SNX27: variants seen among roughly 807,000 people sequenced by gnomAD.
SNX27 encodes the protein sorting nexin 27.
SNX27 carries 22 observed loss-of-function variants against 71.6 expected under a neutral mutation model. The ratio of observed to expected loss-of-function variants is 0.31; its 90% CI spans 0.22 to 0.44. The LOEUF (loss-of-function observed/expected upper bound fraction) is 0.44. Ranked by LOEUF, SNX27 falls within the 20% of genes least tolerant of loss-of-function variation. SNX27 has a pLI of 1.00. For missense variants in SNX27, 531 were observed against 698.6 expected (o/e 0.76, Z 2.70); for synonymous variants, 269 against 277.2 (o/e 0.97, Z 0.29).
chr1:151,651,938 G>A (rs1216827180), intron 2 of SNX27, among the ~76,000 whole-genome samples: 6 of 152,054 alleles, frequency 3.9e-5, no homozygotes, highest in African/African-American at 9.7e-5. Flanking sequence ...ACGAGACTCC[G>A]TCTGCAATCC....
chr1:151,652,841 G>A (rs981008509), intron 2 of SNX27, among the ~76,000 whole-genome samples: 2 of 151,666 alleles, frequency 1.3e-5, no homozygotes, highest in South Asian at 2.1e-4. Flanking sequence ...TGTTAATCAC[G>A]GTTATTCTAA....
rs1669121374 is a variant in SNX27, at chr1:151,647,854, TA to T, written c.543+8737del. On this transcript the variant is annotated intron_variant, in intron 2 of 11. Transcript: ENST00000458013. ...GACCCAAAAGGGCACAAAAAAGCAA[TA>T]ACTACTAAATATAAGGAAAACAACT... Among the ~76,000 whole-genome samples, 2 of 150,432 alleles carry T rather than the reference TA, an allele frequency of 1.3e-5. 1 individual carries two copies. The highest frequency in any genetic ancestry group is 1.3e-4 in the Admixed American group (2 of 15,048).
At chr1:151,620,130 G>A (rs1265462297) in intron 1 of SNX27, among the ~76,000 whole-genome samples, 1 of 152,150 alleles carries the variant, frequency 6.6e-6, no homozygotes, top group Non-Finnish European at 1.5e-5. Flanking sequence ...GGCTAGCAAG[G>A]GGCTTAAAGT....
chr1:151,659,439 G>T (rs1388297287), intron 3 of SNX27: 1 of 152,318 alleles, frequency 6.6e-6, no homozygotes, highest in Non-Finnish European at 1.5e-5. Flanking sequence ...TAGAGACGGG[G>T]TTTCTCCATG....
Position 151,612,300 on chromosome 1 carries a change from C to A in SNX27, c.99C>A (p.Asn33Lys). ...GGTCTGGGCTCCACTGCGCCGGGAA[C>A]GGCGGCGGGGGAGGCGGCGGCCCGC... is the stretch of plus-strand genomic sequence containing the variant. ...GGGSGLHCAG[N>K]GGGGGGGPRV... The change falls in exon 1 of 12, where the codon AAC becomes AAA. Residue 33 changes from asparagine (N) to lysine (K), a missense_variant. Asn to Lys is a moderately conservative substitution (Grantham distance 94). Coordinates refer to ENST00000458013, the MANE Select transcript of SNX27 (RefSeq NM_001330723.2). The surrounding 1 kb of genome is among the most constrained non-coding windows in gnomAD (Gnocchi z 5.2). 1 of 1,517,810 alleles carries A rather than the reference C, an allele frequency of 6.6e-7. No individual in the cohort carries two copies. The highest frequency in any genetic ancestry group is 8.8e-7 in the Non-Finnish European group (1 of 1,136,062). The allele number at this position is 1,517,810 out of a possible 1,614,324, so 94.0% of individuals were successfully genotyped here.
At chr1:151,652,983 A>G (rs568234487) in intron 2 of SNX27, among the ~76,000 whole-genome samples, 3 of 150,096 alleles carry the variant, frequency 2.0e-5, no homozygotes, top group Admixed American at 2.0e-4. Context: ...GCTGGAGTAC[A>G]ATGGCTCGAT....
At position 151,617,901 on chromosome 1, in the gene SNX27, T is replaced by A. The variant is rs973535891; in HGVS notation, c.311+5389T>A. Among the ~76,000 whole-genome samples the A allele has an allele frequency of 2.0e-4, 14 of 69,732 alleles. No homozygotes were observed. In the East Asian group the frequency reaches 2.0e-3, roughly 10 times the overall value. The allele number at this position is 69,732 out of a possible 152,430, so 45.7% of individuals were successfully genotyped here. ...CTGTTTTTTTTTTTTTTTTTTTTTT[T>A]AAAGAGATAGGAGTCTCACTATGTT... On this transcript the variant is annotated intron_variant, in intron 1 of 11. Transcript: ENST00000458013.
At position 151,643,364 on chromosome 1, in the gene SNX27, G is replaced by C. The variant is rs140637846; in HGVS notation, c.543+4245G>C. ...GGCTGGAATGCAGTGGTGCGATCTC[G>C]GCTCACTGCAACCTCGGCCTCCCGG... On this transcript the variant is annotated intron_variant, in intron 2 of 11. Transcript: ENST00000458013. Among the ~76,000 whole-genome samples the C allele has an allele frequency of 5.9e-3, 889 of 151,850 alleles. 10 individuals carry two copies. The highest frequency in any genetic ancestry group is 8.3e-3 in the Non-Finnish European group (567 of 67,964).
At chr1:151,630,251 C>T (rs1162479811) in intron 1 of SNX27, among the ~76,000 whole-genome samples, 3 of 151,964 alleles carry the variant, frequency 2.0e-5, no homozygotes, top group Non-Finnish European at 4.4e-5. Context: ...AGGATAAATT[C>T]TCAGTAATAC....
chr1:151,671,861 C>T (rs1433854785), intron 7 of SNX27, among the ~76,000 whole-genome samples: 2 of 151,868 alleles, frequency 1.3e-5, no homozygotes, highest in Admixed American at 6.6e-5. Context: ...TTGTATCCTG[C>T]AACTTTACTG....
chr1:151,621,467 T>C (rs1468181737), intron 1 of SNX27, among the ~76,000 whole-genome samples: 4 of 152,350 alleles, frequency 2.6e-5, no homozygotes, highest in African/African-American at 9.6e-5. Context: ...TGAAACTTTT[T>C]AGATTCTTGT....
At chr1:151,631,010 C>T (rs1001061699) in intron 1 of SNX27, among the ~76,000 whole-genome samples, 5 of 152,066 alleles carry the variant, frequency 3.3e-5, no homozygotes. Context: ...CTAGCCTGGG[C>T]GACAGAGTGA....
intron 1 of SNX27, among the ~76,000 whole-genome samples, chr1:151,617,940 T>C (rs2102592311): frequency 6.7e-6 from 1 of 148,892 alleles, no homozygotes; most frequent in Middle Eastern, 3.5e-3. Flanking sequence ...CAGGCTGTAC[T>C]TGAATTCTGG....
chr1:151,612,439 C>A lies in SNX27; in HGVS notation c.238C>A (p.His80Asn). 6.9e-7 allele frequency: 1 copy of A among 1,455,848 alleles called. No homozygotes were observed. The highest frequency in any genetic ancestry group is 1.5e-5 in the South Asian group (1 of 68,852). 90.2% of individuals were successfully genotyped at this position (1,455,848 alleles called of 1,614,324 possible). The change falls in exon 1 of 12, where the codon CAT becomes AAT. Residue 80 changes from histidine (H) to asparagine (N), a missense_variant. Coordinates refer to ENST00000458013, the MANE Select transcript of SNX27 (RefSeq NM_001330723.2). This position sits in a 1 kb window ranked among gnomAD's most constrained non-coding sequence, Gnocchi z 5.2. The part of the protein sequence containing the change: ...INGELYAPLQ[H>N]VSAVLPGGAA... ...CGGGGAGCTGTACGCGCCGCTGCAG[C>A]ATGTGAGCGCCGTGCTGCCCGGGGG...
chr1:151,687,730 T>G (rs1671244089), intron 8 of SNX27, among the ~76,000 whole-genome samples: 1 of 151,994 alleles, frequency 6.6e-6, no homozygotes, highest in Admixed American at 6.5e-5. Context: ...GGGCCGATCA[T>G]GAGGTCAGGA....
chr1:151,645,147 A>G (rs1470617729), intron 2 of SNX27, among the ~76,000 whole-genome samples: 2 of 152,120 alleles, frequency 1.3e-5, no homozygotes, highest in Admixed American at 6.5e-5. Context: ...CAGTTGTTTC[A>G]CAGCAACCTG....
At chr1:151,621,612 C>T (rs1482187378) in intron 1 of SNX27, among the ~76,000 whole-genome samples, 1 of 152,194 alleles carries the variant, frequency 6.6e-6, no homozygotes, top group Non-Finnish European at 1.5e-5. Context: ...CATGCTCTCC[C>T]AGCTGCTTTC....
chr1:151,626,639 T>C (rs1357893955), intron 1 of SNX27, among the ~76,000 whole-genome samples: 1 of 151,888 alleles, frequency 6.6e-6, no homozygotes, highest in Non-Finnish European at 1.5e-5. Flanking sequence ...GAGGCAGAGG[T>C]TGCAGTGAGC....
Position 151,682,967 on chromosome 1 carries a change from G to A in SNX27, c.1150-389G>A, listed in dbSNP as rs551268768. Among the ~76,000 whole-genome samples, 3 of 152,212 alleles carry A rather than the reference G, an allele frequency of 2.0e-5. No individual in the cohort carries two copies. The East Asian group carries it at 5.8e-4, about 29-fold the overall frequency. On this transcript the variant is annotated intron_variant, in intron 7 of 11. Transcript: ENST00000458013. ...AGAGAATCGCTTGAACCTGGGAGGC[G>A]GAGGTTTCAGTGAGTCGAGATTGTG...
Sources: gnomAD v4.1 joint callset for allele counts (sites outside exome capture counted in the v4.1 genomes callset) on GRCh38, gnomAD v4.1.1 for gene constraint, Gnocchi (gnomAD v3.1) non-coding constraint, MANE v1.5 for transcripts, NCBI Gene and HGNC (gene_info 2026-07-23, HGNC 2026-07-21) for gene names.